NUDC: variants seen among roughly 807,000 people sequenced by gnomAD.
NUDC encodes the protein nuclear migration protein nudC.
In NUDC, 14 loss-of-function variants were observed where a neutral mutation model predicts 45.0. The observed-to-expected ratio is 0.31, with a 90% confidence interval of 0.21 to 0.49. NUDC has a LOEUF of 0.49. Among genes scored for constraint, NUDC ranks in the 20% least tolerant of loss-of-function variants. NUDC has a pLI of 0.99. For missense variants in NUDC, 323 were observed against 426.2 expected, an observed-to-expected ratio of 0.76 and a Z score of 2.13; for synonymous variants, 153 against 156.7, an observed-to-expected ratio of 0.98 and a Z score of 0.17.
chr1:26,943,208 C>T, intron 6 of NUDC, 143 bp downstream of exon 6: 1 of 916,450 alleles, frequency 1.1e-6, no homozygotes, highest in Non-Finnish European at 1.7e-6. Context: ...GTAGATCTGT[C>T]TCTATTTTAT....
intron 2 of NUDC, among the ~76,000 whole-genome samples, chr1:26,909,463 A>G (rs1192078096): frequency 6.6e-6 from 1 of 152,156 alleles, no homozygotes; most frequent in Admixed American, 6.5e-5. Flanking sequence ...GATGGAAAAA[A>G]TTAAATAAGT....
In NUDC at chr1:26,942,971, C is replaced by T. The variant is rs753396660; in HGVS notation, c.647C>T (p.Ala216Val). The T allele has an allele frequency of 8.1e-6, 13 of 1,613,958 alleles. No homozygotes were observed. Among genetic ancestry groups the T allele is most frequent in the South Asian group, 3.3e-5 (3 of 91,082 alleles). Residue 216 changes from alanine (A) to valine (V), a missense_variant, in exon 6 of 9, where the codon GCG becomes GTG. This residue lies in a region of NUDC where 245 missense variants were observed against 278.8 expected (regional missense o/e 0.88). Transcript: ENST00000321265. ...CGGGTGGGGCTCAAGGGGCAGCCAGCGATCATTGATGGGGAGCTCTACAAT... is the reference window on the plus strand; with the variant it reads ...CGGGTGGGGCTCAAGGGGCAGCCAGTGATCATTGATGGGGAGCTCTACAAT... ...HLRVGLKGQPAIIDGELYNEV... is the reference protein window; with the variant it reads ...HLRVGLKGQPVIIDGELYNEV...
At position 26,912,058 on chromosome 1, in the gene NUDC, G is replaced by A. The variant is rs2082030605; in HGVS notation, c.93+823G>A. Reference sequence around the variant, plus strand: ...GAGCCTCCTGCTGCAGGTGCCCAATGTGGGAGGCGGCTTGGAGGCCTGGCA... The same window carrying A: ...GAGCCTCCTGCTGCAGGTGCCCAATATGGGAGGCGGCTTGGAGGCCTGGCA... On this transcript the variant is annotated intron_variant, in intron 3 of 6. Coordinates refer to the NUDC transcript ENST00000435827. 1 of 1,614,040 alleles carries A rather than the reference G, an allele frequency of 6.2e-7. No individual in the cohort carries two copies. The highest frequency in any genetic ancestry group is 1.1e-5 in the South Asian group (1 of 91,070).
chr1:26,906,287 A>C (rs1053169597), intron 2 of NUDC, among the ~76,000 whole-genome samples: 16 of 151,248 alleles, frequency 1.1e-4, no homozygotes, highest in South Asian at 4.2e-4. Context: ...TCAAAAAAAA[A>C]CGAAAAAATA....
upstream of NUDC, among the ~76,000 whole-genome samples, chr1:26,917,328 G>T (rs958282195): frequency 2.0e-5 from 3 of 147,862 alleles, no homozygotes; most frequent in Admixed American, 6.7e-5. Flanking sequence ...TTGGGAGGCC[G>T]AGGCGGATGG....
At chr1:26,923,470 T>C (rs935468635) in intron 1 of NUDC, among the ~76,000 whole-genome samples, 2 of 152,172 alleles carry the variant, frequency 1.3e-5, no homozygotes, top group African/African-American at 4.8e-5. Context: ...ACCCGGTAAC[T>C]TAGCCAGTGT....
intron 2 of NUDC, among the ~76,000 whole-genome samples, chr1:26,935,798 A>G (rs1285807984): frequency 6.6e-6 from 1 of 151,600 alleles, no homozygotes; most frequent in East Asian, 1.9e-4. Flanking sequence ...GGTGATAGAA[A>G]CCTGTAAATT....
chr1:26,912,227 CCTT>C (rs2082032539), intron 3 of NUDC: 3 of 846,460 alleles, frequency 3.5e-6, no homozygotes, highest in Non-Finnish European at 5.5e-6. Flanking sequence ...ACTACCTCCT[CCTT>C]TAGAGGAGGT....
chr1:26,930,361 G>A (rs989794847), intron 2 of NUDC, among the ~76,000 whole-genome samples: 1 of 152,088 alleles, frequency 6.6e-6, no homozygotes, highest in Non-Finnish European at 1.5e-5. Flanking sequence ...GTAGAGTGGG[G>A]GTTTCACCAT....
chr1:26,921,195 C>T (rs113162010), upstream of NUDC, among the ~76,000 whole-genome samples: 4 of 152,228 alleles, frequency 2.6e-5, 1 homozygote, highest in African/African-American at 9.6e-5. Flanking sequence ...AAATGTGGGT[C>T]TCCTTATTCC....
upstream of NUDC, among the ~76,000 whole-genome samples, chr1:26,919,365 C>T (rs545455130): frequency 8.5e-5 from 13 of 152,230 alleles, no homozygotes; most frequent in Middle Eastern, 3.4e-3. Context: ...TATTTAACTC[C>T]GCTAATTTTT....
chr1:26,932,736 CA>C (rs1490711745), intron 2 of NUDC, among the ~76,000 whole-genome samples: 1 of 152,168 alleles, frequency 6.6e-6, no homozygotes, highest in Non-Finnish European at 1.5e-5. Context: ...ACCCATTAAG[CA>C]ACTTCGCTTT....
intron 2 of NUDC, among the ~76,000 whole-genome samples, chr1:26,933,162 C>T (rs963793631): frequency 1.3e-5 from 2 of 151,674 alleles, no homozygotes; most frequent in Non-Finnish European, 2.9e-5. Flanking sequence ...TCTTGAACTC[C>T]TGACTTCGTG....
At chr1:26,904,487 G>A (rs932015877) in intron 2 of NUDC, among the ~76,000 whole-genome samples, 5 of 152,038 alleles carry the variant, frequency 3.3e-5, no homozygotes, top group Admixed American at 2.0e-4. Context: ...GTCCATTGGC[G>A]CAATCATAGC....
chr1:26,904,852 A>AT (rs35902327), intron 2 of NUDC, among the ~76,000 whole-genome samples: 1,838 of 143,196 alleles, frequency 0.013, 17 homozygotes, highest in Middle Eastern at 0.026. Flanking sequence ...TTATTATATA[A>AT]TTTTTTTTTT....
At chr1:26,936,913 T>A (rs2082239204) in intron 2 of NUDC, among the ~76,000 whole-genome samples, 1 of 151,958 alleles carries the variant, frequency 6.6e-6, no homozygotes, top group African/African-American at 2.4e-5. Context: ...TACCCAGAAT[T>A]ACTGCAGACT....
In NUDC at chr1:26,921,959, G is replaced by T. The variant is rs1452408081; in HGVS notation, c.81+30G>T. The T allele has an allele frequency of 3.2e-6, 5 of 1,545,280 alleles. No homozygotes were observed. The South Asian group carries it at 4.8e-5, about 15-fold the overall frequency. On this transcript the variant is annotated intron_variant, in intron 1 of 8. Coordinates refer to ENST00000321265, the MANE Select transcript of NUDC (RefSeq NM_006600.4). ...CGGCCCGCGCGGCGTCGGCCCACCC[G>T]GCGGCCTTGGCCACGCTCCTTCCGC...
At chr1:26,927,264 C>CGTGTGT (rs60238934) in intron 2 of NUDC, among the ~76,000 whole-genome samples, 16,109 of 91,532 alleles carry the variant, frequency 0.18, 2,233 homozygotes, top group Middle Eastern at 0.3. Context: ...AGAGATGAAC[C>CGTGTGT]GTGTGTGTGT....
chr1:26,905,154 ATTATTTTTT>A (rs1452129324), intron 2 of NUDC, among the ~76,000 whole-genome samples: 2 of 101,710 alleles, frequency 2.0e-5, no homozygotes, highest in African/African-American at 6.6e-5. Context: ...TATTATTATT[ATTATTTTTT>A]TTTTTTTTTT....
Sources: gnomAD v4.1 joint callset for allele counts (sites outside exome capture counted in the v4.1 genomes callset) on GRCh38, gnomAD v4.1.1 for gene constraint, gnomAD v4.1.1 regional missense constraint, MANE v1.5 for transcripts, NCBI Gene and HGNC (gene_info 2026-07-23, HGNC 2026-07-21) for gene names.